The following EFHB variants were observed in gnomAD, a reference collection of about 807,000 sequenced individuals.
The protein encoded by EFHB is EF-hand domain family member B, also known as EF-hand domain-containing family member B.
In EFHB, 91 loss-of-function variants were observed where a neutral mutation model predicts 87.2. The ratio of observed to expected loss-of-function variants is 1.04; its 90% CI spans 0.88 to 1.24. The LOEUF is 1.24. Among genes scored for constraint, EFHB ranks in the 50% most tolerant of loss-of-function variants. EFHB has a pLI of 0.00. For missense variants in EFHB, 1,084 were observed against 998.8 expected (o/e 1.09, Z -1.15); for synonymous variants, 325 against 333.6 (o/e 0.97, Z 0.28).
intron 5 of EFHB, among the ~76,000 whole-genome samples, chr3:19,913,348 T>G (rs1695123342): frequency 6.6e-6 from 1 of 152,166 alleles, no homozygotes; most frequent in African/African-American, 2.4e-5. Flanking sequence ...TTCAGTAAAG[T>G]TACAAGATAC....
chr3:19,933,148 A>C (rs1695885853), intron 1 of EFHB, 82 bp downstream of exon 1: 2 of 1,449,254 alleles, frequency 1.4e-6, no homozygotes, highest in Non-Finnish European at 9.1e-7. Context: ...TTCAAACCAA[A>C]ACAAATTTTA....
intron 4 of EFHB, among the ~76,000 whole-genome samples, chr3:19,916,581 G>A (rs1273943856): frequency 6.6e-6 from 1 of 151,966 alleles, no homozygotes; most frequent in Admixed American, 6.6e-5. Flanking sequence ...TGTAGCCAGA[G>A]GTACCAGGGA....
chr3:19,895,052 A>T (rs928722297), intron 9 of EFHB: 2 of 147,668 alleles, frequency 1.4e-5, no homozygotes, highest in South Asian at 4.2e-4. Flanking sequence ...TCTATATATT[A>T]TAAATAATAT....
chr3:19,879,759 C>T lies in EFHB; in HGVS notation c.2374G>A (p.Glu792Lys). The change falls in exon 13 of 13, where the codon GAA (glutamate) becomes AAA (lysine). Residue 792 changes from glutamate (E) to lysine (K), a missense_variant. Coordinates refer to ENST00000295824, the MANE Select transcript of EFHB (RefSeq NM_144715.4). ...CNIGVKLSDEEFENVWNLASK... is the reference protein window; with the variant it reads ...CNIGVKLSDEKFENVWNLASK... ...GCAAGATTCCATACATTTTCAAATT[C>T]TTCATCAGACAGTTTGACACCAATG... 6.2e-7 allele frequency: 1 copy of T among 1,608,700 alleles called. No homozygotes were observed. Among genetic ancestry groups the T allele is most frequent in the Non-Finnish European group, 8.5e-7 (1 of 1,178,618 alleles).
At position 19,934,171 on chromosome 3, in the gene EFHB, C is replaced by A. The variant is rs1695941955; in HGVS notation, c.-153G>T. On this transcript the variant is annotated 5_prime_UTR_variant, in exon 1 of 13. It adds an upstream start codon to the 5' untranslated region. Transcript: ENST00000295824. ...GGACTCCCTGTCCATTGCTTCCTGC[C>A]TGCCTCTTAACACCTAGCCGAGTTC... The A allele has an allele frequency of 3.5e-6, 5 of 1,442,928 alleles. No individual in the cohort carries two copies. The highest frequency in any genetic ancestry group is 4.5e-6 in the Non-Finnish European group (5 of 1,105,956). The allele number at this position is 1,442,928 out of a possible 1,614,324, so 89.4% of individuals were successfully genotyped here. A position where few individuals can be genotyped will look rare whatever the true frequency, so the allele number is the denominator to read the frequency against.
At chr3:19,934,360 C>G, upstream of EFHB, 1 of 795,418 alleles carries the variant, frequency 1.3e-6, no homozygotes, top group Non-Finnish European at 1.6e-6. Flanking sequence ...GTCTCTCTCT[C>G]TCCCCTCTTC....
At chr3:19,936,236 GCTAT>G (rs1439406591), upstream of EFHB, 3 of 795,386 alleles carry the variant, frequency 3.8e-6, no homozygotes, top group Non-Finnish European at 4.2e-6. Flanking sequence ...TGTAGTCTCA[GCTAT>G]CTGAGAGGCT....
chr3:19,880,000 C>G (rs1292520115), intron 12 of EFHB, among the ~76,000 whole-genome samples, 196 bp from the exon 13 acceptor site: 1 of 151,934 alleles, frequency 6.6e-6, no homozygotes, highest in Non-Finnish European at 1.5e-5. Flanking sequence ...CTAATACTGT[C>G]AGCTCAGGAA....
upstream of EFHB, among the ~76,000 whole-genome samples, chr3:19,938,862 G>A (rs13081488): frequency 0.21 from 32,579 of 151,954 alleles, 3,863 homozygotes; most frequent in Middle Eastern, 0.29. Context: ...AACCCAGGGC[G>A]TGTAGTTCCA....
Position 19,896,677 on chromosome 3 carries a change from C to T in EFHB, c.1725+10G>A, listed in dbSNP as rs779235415. 8 of 1,614,014 alleles carry T rather than the reference C, an allele frequency of 5.0e-6. No homozygotes were observed. The South Asian group carries it at 5.5e-5, about 11-fold the overall frequency. ...CATGCATTACCAAAAAGCTCTCCCC[C>T]ATTACTGGCCTTGTCATAGTGCCTG... On this transcript the variant is annotated intron_variant, in intron 9 of 12. Transcript: ENST00000295824.
intron 1 of EFHB, among the ~76,000 whole-genome samples, chr3:19,931,574 T>G (rs1296865117): frequency 6.6e-6 from 1 of 152,176 alleles, no homozygotes; most frequent in Non-Finnish European, 1.5e-5. Context: ...CCAGACAAAA[T>G]TCTGTGGAAG....
At chr3:19,927,821 C>T (rs1695682704) in intron 1 of EFHB, among the ~76,000 whole-genome samples, 1 of 152,006 alleles carries the variant, frequency 6.6e-6, no homozygotes, top group African/African-American at 2.4e-5. Flanking sequence ...CATCCCATCC[C>T]CTGGTCAGGA....
chr3:19,883,839 C>G (rs1336190160), intron 11 of EFHB, among the ~76,000 whole-genome samples: 3 of 152,146 alleles, frequency 2.0e-5, no homozygotes, highest in African/African-American at 7.2e-5. Context: ...AGCAAATCAT[C>G]AGAAACTAGG....
chr3:19,892,177 T>C (rs927721576), intron 9 of EFHB, among the ~76,000 whole-genome samples: 17 of 152,226 alleles, frequency 1.1e-4, no homozygotes, highest in Non-Finnish European at 1.9e-4. Context: ...ATTTTCAGTC[T>C]GTCAATGGGG....
chr3:19,893,815 AG>A (rs755713963), intron 9 of EFHB, among the ~76,000 whole-genome samples: 6 of 152,218 alleles, frequency 3.9e-5, no homozygotes, highest in Non-Finnish European at 7.3e-5. Flanking sequence ...ATGGACAGAC[AG>A]GAGGTTGGAC....
chr3:19,934,325 C>T (rs989769966), upstream of EFHB: 1 of 1,156,086 alleles, frequency 8.6e-7, no homozygotes, highest in Non-Finnish European at 1.1e-6. Context: ...CAATCTCTCT[C>T]TCTCTCCCCT....
chr3:19,944,787 T>C (rs1696233362), intron 1 of EFHB, among the ~76,000 whole-genome samples: 1 of 152,212 alleles, frequency 6.6e-6, no homozygotes, highest in African/African-American at 2.4e-5. Flanking sequence ...TGTGAGGTCT[T>C]CTTAATGTTC....
chr3:19,893,045 A>G (rs1319111768), intron 9 of EFHB, among the ~76,000 whole-genome samples: 1 of 151,660 alleles, frequency 6.6e-6, no homozygotes, highest in Non-Finnish European at 1.5e-5. Flanking sequence ...TCTGCCTCCC[A>G]AGTTCAAGCA....
intron 11 of EFHB, among the ~76,000 whole-genome samples, chr3:19,884,015 A>G (rs951898186): frequency 1.3e-5 from 2 of 152,224 alleles, no homozygotes; most frequent in Admixed American, 6.5e-5. Context: ...TGGGGAATGA[A>G]TATGCAGAGA....
Sources: allele counts gnomAD v4.1 joint callset (sites outside exome capture counted in the v4.1 genomes callset), GRCh38; gene constraint gnomAD v4.1.1; transcripts MANE v1.5; gene names NCBI Gene and HGNC (gene_info 2026-07-23, HGNC 2026-07-21).